Variants in EMX1 observed in about 807,000 individuals in gnomAD.
EMX1 encodes homeobox protein EMX1.
A neutral mutation model predicts 20.1 loss-of-function variants in EMX1; 10 were observed. That is an observed-to-expected ratio of 0.50 (90% CI 0.31 to 0.84). The LOEUF (loss-of-function observed/expected upper bound fraction) is 0.84, where lower values mean the gene tolerates loss of function less well. EMX1 is among the 40% of genes least tolerant of loss of function. The pLI is 0.05. For missense variants in EMX1, 424 were observed against 431.9 expected (o/e 0.98, Z 0.16); for synonymous variants, 250 against 200.4 (o/e 1.25, Z -2.09).
chr2:72,924,309 C>T lies in EMX1; in HGVS notation c.521C>T (p.Ala174Val). The T allele has an allele frequency of 6.4e-7, 1 of 1,561,672 alleles. No homozygotes were observed. The highest frequency in any genetic ancestry group is 8.6e-7 in the Non-Finnish European group (1 of 1,161,446). Residue 174 changes from alanine to valine, a missense_variant and splice_region_variant, in exon 2 of 3, where the codon GCC becomes GTC. Transcript: ENST00000258106. Reference protein sequence around the residue: ...RNRFFGHRFQASDVPQDGLLL... With the variant: ...RNRFFGHRFQVSDVPQDGLLL... Reference sequence around the variant, plus strand: ...GTTGCCGTCGGCGGCGGGGCCGCAGCCAGCGACGTGCCCCAGGACGGGCTG... The same window carrying T: ...GTTGCCGTCGGCGGCGGGGCCGCAGTCAGCGACGTGCCCCAGGACGGGCTG...
chr2:72,924,416 G>T lies in EMX1; in HGVS notation c.628G>T (p.Ala210Ser). The T allele has an allele frequency of 6.3e-7, 1 of 1,594,636 alleles. No individual in the cohort carries two copies. The change falls in exon 2 of 3, where the codon GCC (alanine) becomes TCC (serine). Residue 210 changes from alanine to serine, a missense_variant. This residue lies in a region of EMX1 where 91 missense variants were observed against 135.2 expected (regional missense o/e 0.67). Coordinates refer to ENST00000258106, the MANE Select transcript of EMX1 (RefSeq NM_004097.3). ...CTCGCAGCTGCTGCGGCTGGAGCGC[G>T]CCTTCGAGAAGAACCACTACGTGGT... ...SPSQLLRLER[A>S]FEKNHYVVGA...
At chr2:72,928,706 C>G (rs1447868682) in intron 2 of EMX1, among the ~76,000 whole-genome samples, 1 of 152,202 alleles carries the variant, frequency 6.6e-6, no homozygotes, top group Non-Finnish European at 1.5e-5. Context: ...TTGAAGATTT[C>G]TTACTGAGTG....
At chr2:72,916,683 G>A (rs897953381), upstream of EMX1, 30 of 716,636 alleles carry the variant, frequency 4.2e-5, no homozygotes, top group Non-Finnish European at 6.0e-5. Flanking sequence ...GTTCTCTTGA[G>A]ATGGGCTCGG....
intron 2 of EMX1, among the ~76,000 whole-genome samples, chr2:72,924,744 G>C (rs905629149): frequency 6.6e-6 from 1 of 152,238 alleles, no homozygotes; most frequent in African/African-American, 2.4e-5. Context: ...AATGCAAACT[G>C]TATCCCGAGC....
Position 72,917,821 on chromosome 2 carries a change from G to C in EMX1, c.-32G>C. Reference sequence around the variant, plus strand: ...GCGGGGGCCGAGCGCGAGCGGGCGGGCGGGGGAGGTGAGGGGTGCGGGCGG... The same window carrying C: ...GCGGGGGCCGAGCGCGAGCGGGCGGCCGGGGGAGGTGAGGGGTGCGGGCGG... On this transcript the variant is annotated 5_prime_UTR_variant, in exon 1 of 3. Transcript: ENST00000258106. The C allele has an allele frequency of 1.5e-6, 2 of 1,295,774 alleles. No homozygotes were observed. Among genetic ancestry groups the C allele is most frequent in the Non-Finnish European group, 1.9e-6 (2 of 1,026,154 alleles). The allele number at this position is 1,295,774 out of a possible 1,614,324, so 80.3% of individuals were successfully genotyped here.
At position 72,918,060 on chromosome 2, in the gene EMX1, G is replaced by C. The variant is rs1171515190; in HGVS notation, c.208G>C (p.Ala70Pro). ...CGGGGGCGCGGGCTCCCATCTCCTG[G>C]CGGCGGCCGCCTCCGAGGAACCGCT... ...GGGGAGSHLL[A>P]AAASEEPLRP... The change falls in exon 1 of 3, where the codon GCG becomes CCG. Residue 70 changes from alanine (A) to proline (P), a missense_variant. Ala to Pro is a conservative substitution (Grantham distance 27). Coordinates refer to ENST00000258106, the MANE Select transcript of EMX1 (RefSeq NM_004097.3). 7.1e-7 allele frequency: 1 copy of C among 1,417,408 alleles called. No individual in the cohort carries two copies. The allele number at this position is 1,417,408 out of a possible 1,614,324, so 87.8% of individuals were successfully genotyped here. A position where few individuals can be genotyped will look rare whatever the true frequency, so the allele number is the denominator to read the frequency against.
intron 2 of EMX1, among the ~76,000 whole-genome samples, chr2:72,932,410 G>A (rs1402982815): frequency 6.6e-6 from 1 of 152,244 alleles, no homozygotes; most frequent in Non-Finnish European, 1.5e-5. Context: ...AAGCCCAGAG[G>A]GGGAAGGGAC....
Position 72,934,698 on chromosome 2 carries a change from C to T in EMX1, c.*744C>T, listed in dbSNP as rs1671336929. 1 of 152,072 alleles carries T rather than the reference C, an allele frequency of 6.6e-6. No homozygotes were observed. The highest frequency in any genetic ancestry group is 2.1e-4 in the South Asian group (1 of 4,804). 9.4% of individuals were successfully genotyped at this position (152,072 alleles called of 1,614,324 possible). A position where few individuals can be genotyped will look rare whatever the true frequency, so the allele number is the denominator to read the frequency against. On this transcript the variant is annotated 3_prime_UTR_variant, in exon 3 of 3. Transcript: ENST00000258106. Reference sequence around the variant, plus strand: ...CTGCCTAGAGACTCTGGTGGCTTCTCCAGTTGAGGAGAAACCAGAGGAAAG... The same window carrying T: ...CTGCCTAGAGACTCTGGTGGCTTCTTCAGTTGAGGAGAAACCAGAGGAAAG...
Position 72,918,240 on chromosome 2 carries a change from G to C in EMX1, c.388G>C (p.Val130Leu), listed in dbSNP as rs750135143. 1.3e-5 allele frequency: 21 copies of C among 1,581,624 alleles called. No homozygotes were observed. The highest frequency in any genetic ancestry group is 1.7e-5 in the Non-Finnish European group (20 of 1,174,000). Residue 130 changes from valine (V) to leucine (L), a missense_variant, in exon 1 of 3, where the codon GTG becomes CTG. Transcript: ENST00000258106. Reference protein sequence around the residue: ...PEAMNHPALTVHPAHQLGASP... With the variant: ...PEAMNHPALTLHPAHQLGASP... Reference sequence around the variant, plus strand: ...GGCCATGAACCACCCCGCGCTGACCGTGCATCCGGCGCACCAGCTGGGCGC... The same window carrying C: ...GGCCATGAACCACCCCGCGCTGACCCTGCATCCGGCGCACCAGCTGGGCGC...
intron 1 of EMX1, among the ~76,000 whole-genome samples, chr2:72,918,815 CG>C (rs1197040626): frequency 6.6e-6 from 1 of 152,170 alleles, no homozygotes; most frequent in African/African-American, 2.4e-5. Context: ...CGCGTCCGGG[CG>C]GGGGAAAGTC....
rs896034414 is a variant in EMX1, at chr2:72,917,765, C to T, written c.-88C>T. The T allele has an allele frequency of 3.4e-6, 4 of 1,184,124 alleles. No homozygotes were observed. Among genetic ancestry groups the T allele is most frequent in the Non-Finnish European group, 3.2e-6 (3 of 947,596 alleles). 73.4% of individuals were successfully genotyped at this position (1,184,124 alleles called of 1,614,324 possible). A position where few individuals can be genotyped will look rare whatever the true frequency, so the allele number is the denominator to read the frequency against. ...CGGACCCCGCGGTCGCTCGCTCACA[C>T]ACCCCTCGCCGCTCCGCGCCTGGCT... On this transcript the variant is annotated 5_prime_UTR_variant, in exon 1 of 3. Transcript: ENST00000258106.
chr2:72,928,746 T>G (rs910506344), intron 2 of EMX1, among the ~76,000 whole-genome samples: 1 of 152,216 alleles, frequency 6.6e-6, no homozygotes, highest in Admixed American at 6.5e-5. Context: ...CTTGCACATT[T>G]GTGAAACATG....
chr2:72,933,575 C>CACT (rs1671317605), intron 2 of EMX1: 1 of 587,660 alleles, frequency 1.7e-6, no homozygotes, highest in South Asian at 2.2e-5. Flanking sequence ...CTCTCTGGCC[C>CACT]ACTGTGTCCT....
chr2:72,928,506 C>T (rs917444796), intron 2 of EMX1, among the ~76,000 whole-genome samples: 3 of 151,940 alleles, frequency 2.0e-5, no homozygotes, highest in South Asian at 2.1e-4. Context: ...GTGTGTGTGT[C>T]GGGGGCAGGG....
chr2:72,933,958 G>A lies in EMX1; in HGVS notation c.*4G>A. Reference sequence around the variant, plus strand: ...CGATGTCACCTCCAATGACTAGGGTGGGCAACCACAAACCCACGAGGGCAG... The same window carrying A: ...CGATGTCACCTCCAATGACTAGGGTAGGCAACCACAAACCCACGAGGGCAG... On this transcript the variant is annotated 3_prime_UTR_variant, in exon 3 of 3. Coordinates refer to ENST00000258106, the MANE Select transcript of EMX1 (RefSeq NM_004097.3). 1 of 1,614,198 alleles carries A rather than the reference G, an allele frequency of 6.2e-7. No homozygotes were observed. Among genetic ancestry groups the A allele is most frequent in the Non-Finnish European group, 8.5e-7 (1 of 1,180,030 alleles).
rs987518102 is a variant in EMX1, at chr2:72,924,501, C to T, written c.705+8C>T. The T allele has an allele frequency of 9.6e-6, 15 of 1,569,998 alleles. No homozygotes were observed. The highest frequency in any genetic ancestry group is 4.5e-4 in the Middle Eastern group (2 of 4,450). On this transcript the variant is annotated splice_region_variant and intron_variant, in intron 2 of 2. Transcript: ENST00000258106. ...AGCCTCTCCGAGACGCAGGTAATCA[C>T]CCCCGGTCGCGGCCTGCCCTGCGCC...
In EMX1 at chr2:72,934,588, G is replaced by A. The variant is rs1671335339; in HGVS notation, c.*634G>A. The A allele has an allele frequency of 6.6e-6, 1 of 152,472 alleles. No homozygotes were observed. Among genetic ancestry groups the A allele is most frequent in the African/African-American group, 2.4e-5 (1 of 41,440 alleles). 9.4% of individuals were successfully genotyped at this position (152,472 alleles called of 1,614,324 possible). On this transcript the variant is annotated 3_prime_UTR_variant, in exon 3 of 3. Coordinates refer to ENST00000258106, the MANE Select transcript of EMX1 (RefSeq NM_004097.3). ...GGAAGGGCCATCCTGTATCTTGAGG[G>A]AGGACAGGCCCAGGTCTTTCTTAAC...
chr2:72,928,044 T>G (rs1193581789), intron 2 of EMX1, among the ~76,000 whole-genome samples: 1 of 152,256 alleles, frequency 6.6e-6, no homozygotes, highest in East Asian at 1.9e-4. Flanking sequence ...CTCAGAAGTC[T>G]GTGCACTCCC....
upstream of EMX1, chr2:72,917,086 A>G: frequency 1.6e-6 from 1 of 633,568 alleles, no homozygotes; most frequent in South Asian, 1.8e-5. Flanking sequence ...AGTCCCGGAG[A>G]GCAGGGGGGC....
Sources: gnomAD v4.1 joint callset for allele counts (sites outside exome capture counted in the v4.1 genomes callset) on GRCh38, gnomAD v4.1.1 for gene constraint, gnomAD v4.1.1 regional missense constraint, MANE v1.5 for transcripts, NCBI Gene and HGNC (gene_info 2026-07-23, HGNC 2026-07-21) for gene names.